DNAH8: variants seen among roughly 807,000 people sequenced by gnomAD.
The protein encoded by DNAH8 is axonemal beta dynein heavy chain 8.
Under a neutral mutation model 562.1 loss-of-function variants are expected in DNAH8, and 382 were observed. The observed-to-expected ratio is 0.68, with a 90% CI of 0.63 to 0.74. The LOEUF (loss-of-function observed/expected upper bound fraction) is 0.74. Ranked by LOEUF, DNAH8 falls within the 30% of genes least tolerant of loss-of-function variation. DNAH8 has a pLI of 0.00. For synonymous variants in DNAH8, 1,881 were observed against 1,919.4 expected (o/e 0.98, Z 0.52); for missense variants, 5,203 against 5,620.4 (o/e 0.93, Z 2.37).
chr6:38,858,247 A>G (rs1776355756), intron 42 of DNAH8, among the ~76,000 whole-genome samples: 1 of 152,162 alleles, frequency 6.6e-6, no homozygotes, highest in South Asian at 2.1e-4. Context: ...GGATTTTTCT[A>G]TTACAGGTGG....
intron 1 of DNAH8, among the ~76,000 whole-genome samples, chr6:38,716,359 G>A (rs376238104): frequency 2.0e-5 from 3 of 151,784 alleles, no homozygotes; most frequent in East Asian, 3.9e-4. Flanking sequence ...TTCCCCTCTA[G>A]CCCAAAAGTC....
chr6:38,754,631 T>C (rs1169624298), intron 9 of DNAH8, among the ~76,000 whole-genome samples: 1 of 152,138 alleles, frequency 6.6e-6, no homozygotes, highest in East Asian at 1.9e-4. Flanking sequence ...AGGGATGCCA[T>C]TGGCTTTGTC....
intron 91 of DNAH8, among the ~76,000 whole-genome samples, chr6:39,013,692 A>G (rs927989119): frequency 1.3e-5 from 2 of 152,166 alleles, no homozygotes; most frequent in Non-Finnish European, 2.9e-5. Flanking sequence ...CTCTACAAAA[A>G]ATATAAAAAT....
intron 4 of DNAH8, among the ~76,000 whole-genome samples, chr6:38,730,678 C>G (rs906979352): frequency 6.6e-6 from 1 of 152,176 alleles, no homozygotes; most frequent in African/African-American, 2.4e-5. Context: ...CCAAGTATAT[C>G]TTTTATTGTT....
Position 38,866,669 on chromosome 6 carries a change from G to A in DNAH8, c.6577G>A (p.Asp2193Asn), listed in dbSNP as rs746359026. ...QFRTVAMMVPDRQIIMRVKLA... is the reference protein window; with the variant it reads ...QFRTVAMMVPNRQIIMRVKLA... ...TAGAACTGTTGCTATGATGGTTCCT[G>A]ATAGACAGGTATGCACTAGGATTTA... Residue 2193 changes from aspartate (D) to asparagine (N), a missense_variant, in exon 46 of 93, where the codon GAT becomes AAT. Physicochemically the swap from Asp to Asn is conservative, Grantham distance 23. Coordinates refer to ENST00000327475, the MANE Select transcript of DNAH8 (RefSeq NM_001206927.2). 6.8e-6 allele frequency: 11 copies of A among 1,612,140 alleles called. No homozygotes were observed. The East Asian group carries it at 2.5e-4, about 36-fold the overall frequency.
chr6:38,931,772 C>T (rs758406071), intron 75 of DNAH8, 39 bp from the exon 76 acceptor site: 29 of 1,399,604 alleles, frequency 2.1e-5, no homozygotes, highest in Non-Finnish European at 2.2e-5. Flanking sequence ...TTTCCCTGCC[C>T]TTTAAGCTGT....
At chr6:38,907,818 G>T (rs1780596258) in intron 63 of DNAH8, 138 bp from the exon 64 acceptor site, 3 of 675,574 alleles carry the variant, frequency 4.4e-6, no homozygotes, top group Non-Finnish European at 6.7e-6. Flanking sequence ...TGGCAAATCA[G>T]GGATTTGACT....
At chr6:38,873,946 A>G (rs1420789823) in intron 52 of DNAH8, among the ~76,000 whole-genome samples, 2 of 151,964 alleles carry the variant, frequency 1.3e-5, no homozygotes, top group African/African-American at 4.8e-5. Context: ...CAGGTAAGGA[A>G]AATCTTTAAA....
At chr6:38,742,925 C>A (rs1764630064) in intron 8 of DNAH8, among the ~76,000 whole-genome samples, 1 of 150,794 alleles carries the variant, frequency 6.6e-6, no homozygotes, top group East Asian at 1.9e-4. Flanking sequence ...CCTTCCCCAC[C>A]CCTGATAGTA....
intron 71 of DNAH8, 104 bp downstream of exon 71, chr6:38,921,610 G>A (rs1392907927): frequency 7.9e-6 from 10 of 1,267,500 alleles, no homozygotes; most frequent in Non-Finnish European, 1.1e-5. Flanking sequence ...AAAAATATTG[G>A]CCAGCATGCC....
intron 17 of DNAH8, among the ~76,000 whole-genome samples, chr6:38,784,772 A>G (rs1768983365): frequency 6.6e-6 from 1 of 152,236 alleles, no homozygotes; most frequent in South Asian, 2.1e-4. Flanking sequence ...AGACACTGAC[A>G]CATTAAGTGG....
Position 38,726,953 on chromosome 6 carries a change from G to T in DNAH8, c.526-2949G>T, listed in dbSNP as rs1030736799. 2.0e-5 allele frequency among the ~76,000 whole-genome samples: 3 copies of T among 146,530 alleles called. No individual in the cohort carries two copies. In the Admixed American group the frequency reaches 2.1e-4, roughly 10 times the overall value. On this transcript the variant is annotated intron_variant, in intron 3 of 92. Coordinates refer to ENST00000327475, the MANE Select transcript of DNAH8 (RefSeq NM_001206927.2). The stretch of plus-strand genomic sequence containing the variant: ...GCTCACTGTAATCTCCACCTCCCAG[G>T]CTCAAGCGATTCTCCTGCTTCAGCC...
At chr6:38,790,835 A>AG (rs1447405821) in intron 20 of DNAH8, among the ~76,000 whole-genome samples, 7 of 151,588 alleles carry the variant, frequency 4.6e-5, no homozygotes, top group Non-Finnish European at 8.8e-5. Flanking sequence ...AAAAAAAAAA[A>AG]CAAAACAAAA....
chr6:38,800,801 CG>C (rs1312274645), intron 21 of DNAH8, among the ~76,000 whole-genome samples: 46 of 152,280 alleles, frequency 3.0e-4, no homozygotes, highest in Admixed American at 2.4e-3. Context: ...GGATTACAGA[CG>C]TGAGCCACCG....
At chr6:38,885,667 A>T (rs1039900282) in intron 56 of DNAH8, among the ~76,000 whole-genome samples, 1 of 152,018 alleles carries the variant, frequency 6.6e-6, no homozygotes, top group African/African-American at 2.4e-5. Flanking sequence ...TATGGTGTTC[A>T]CTCAGTACCT....
intron 27 of DNAH8, 25 bp downstream of exon 27, chr6:38,823,059 T>G: frequency 6.5e-7 from 1 of 1,541,436 alleles, no homozygotes; most frequent in Non-Finnish European, 8.7e-7. Context: ...CTTGTGATGT[T>G]GTTTGGGTTT....
intron 88 of DNAH8, 119 bp from the exon 89 acceptor site, chr6:39,008,693 CTT>C (rs34058863): frequency 9.7e-4 from 356 of 368,186 alleles, no homozygotes; most frequent in South Asian, 2.0e-3. Flanking sequence ...AACTTTTCTT[CTT>C]TTTTTTTTTT....
chr6:38,928,255 C>CT (rs1782263712), intron 74 of DNAH8: 1 of 152,066 alleles, frequency 6.6e-6, no homozygotes, highest in African/African-American at 2.4e-5. Flanking sequence ...ATTGGGATTC[C>CT]AAAATACTAT....
chr6:38,917,460 C>T, intron 69 of DNAH8, 54 bp downstream of exon 69: 1 of 1,456,154 alleles, frequency 6.9e-7, no homozygotes. Flanking sequence ...CGTCCTCAGC[C>T]CAGGACACTC....
Sources: gnomAD v4.1 joint callset for allele counts (sites outside exome capture counted in the v4.1 genomes callset) on GRCh38, gnomAD v4.1.1 for gene constraint, MANE v1.5 for transcripts, NCBI Gene and HGNC (gene_info 2026-07-23, HGNC 2026-07-21) for gene names.